HS6ST2: variants seen among roughly 807,000 people sequenced by gnomAD.
The protein encoded by HS6ST2 is heparan sulfate 6-O-sulfotransferase 2.
In HS6ST2, 17 loss-of-function variants were observed where a neutral mutation model predicts 33.0. The observed-to-expected ratio is 0.52, with a 90% CI of 0.35 to 0.77. HS6ST2 has a LOEUF of 0.77. Among genes scored for constraint, HS6ST2 ranks in the 30% least tolerant of loss-of-function variants. The pLI, the probability that HS6ST2 is intolerant of heterozygous loss-of-function variation, is 0.01. For synonymous variants in HS6ST2, 248 were observed against 237.1 expected, an observed-to-expected ratio of 1.05 and a Z score of -0.42; for missense variants, 519 against 551.7, an observed-to-expected ratio of 0.94 and a Z score of 0.59.
intron 2 of HS6ST2, among the ~76,000 whole-genome samples, chrX:132,912,532 T>C (rs1225075370): frequency 8.8e-6 from 1 of 113,024 alleles, no homozygotes; most frequent in Non-Finnish European, 1.9e-5. Flanking sequence ...CATCTGTAGT[T>C]CATGGTACAG....
intron 2 of HS6ST2, among the ~76,000 whole-genome samples, chrX:132,863,234 C>T (rs1238697854): frequency 8.9e-6 from 1 of 112,021 alleles, no homozygotes; most frequent in African/African-American, 3.2e-5. Context: ...TGTCAGTTGG[C>T]AATATAATTA....
At chrX:132,828,950 G>T (rs2065558236) in intron 2 of HS6ST2, among the ~76,000 whole-genome samples, 1 of 101,114 alleles carries the variant, frequency 9.9e-6, no homozygotes, top group African/African-American at 3.6e-5. Flanking sequence ...TTTTAACCTA[G>T]CATTATAACA....
At chrX:132,783,594 C>A (rs2065033688) in intron 2 of HS6ST2, among the ~76,000 whole-genome samples, 1 of 111,126 alleles carries the variant, frequency 9.0e-6, no homozygotes. Flanking sequence ...ATTTCCTCAA[C>A]AATAGCTTTC....
intron 2 of HS6ST2, among the ~76,000 whole-genome samples, chrX:132,790,062 C>T (rs1398440534): frequency 8.9e-6 from 1 of 112,454 alleles, no homozygotes; most frequent in Admixed American, 9.4e-5. Flanking sequence ...AGATGGACTC[C>T]AATTTTGAAA....
intron 2 of HS6ST2, among the ~76,000 whole-genome samples, chrX:132,751,107 C>T (rs1308258758): frequency 8.9e-6 from 1 of 111,855 alleles, no homozygotes; most frequent in African/African-American, 3.3e-5. Context: ...AAACGCTATT[C>T]ATGGTTTCTT....
intron 2 of HS6ST2, among the ~76,000 whole-genome samples, chrX:132,804,408 C>A (rs922012176): frequency 8.9e-5 from 10 of 112,124 alleles, no homozygotes; most frequent in African/African-American, 3.2e-4. Context: ...TTCTTGGCCT[C>A]ATCTTGAGGA....
At chrX:132,639,221 C>T (rs1246211132) in intron 4 of HS6ST2, among the ~76,000 whole-genome samples, 1 of 111,885 alleles carries the variant, frequency 8.9e-6, no homozygotes, top group East Asian at 2.8e-4. Flanking sequence ...CAGTAGGTTT[C>T]AAAGTACATA....
At chrX:132,650,196 G>A (rs1412205115) in intron 4 of HS6ST2, among the ~76,000 whole-genome samples, 2 of 111,671 alleles carry the variant, frequency 1.8e-5, no homozygotes, top group Non-Finnish European at 3.8e-5. Flanking sequence ...AACCCATTCC[G>A]GAGGTTCAGA....
In HS6ST2 at chrX:132,770,794, T is replaced by C. The variant is rs755657012; in HGVS notation, c.948-62300A>G. 1.1e-3 allele frequency among the ~76,000 whole-genome samples: 121 copies of C among 111,158 alleles called. 2 individuals carry two copies. The highest frequency in any genetic ancestry group is 1.3e-3 in the Non-Finnish European group (69 of 52,979). ...GCTTAAATTAGTAGGGCTCTTCTGGTGGGCAGTGTGGCTAATACAACACAA... is the reference window on the plus strand; with the variant it reads ...GCTTAAATTAGTAGGGCTCTTCTGGCGGGCAGTGTGGCTAATACAACACAA... On this transcript the variant is annotated intron_variant, in intron 2 of 4. Transcript: ENST00000370833.
chrX:132,898,499 C>T, intron 2 of HS6ST2, among the ~76,000 whole-genome samples: 1 of 107,531 alleles, frequency 9.3e-6, no homozygotes, highest in Non-Finnish European at 1.9e-5. Context: ...GTATTAACAA[C>T]TTTTGCTTCC....
chrX:132,921,175 A>C (rs2066647827), intron 2 of HS6ST2, among the ~76,000 whole-genome samples: 1 of 112,238 alleles, frequency 8.9e-6, no homozygotes, highest in Admixed American at 9.4e-5. Flanking sequence ...GTGATGGATT[A>C]AATTTTGGAG....
chrX:132,868,950 T>TA (rs2066023894), intron 2 of HS6ST2, among the ~76,000 whole-genome samples: 1 of 107,016 alleles, frequency 9.3e-6, no homozygotes, highest in Admixed American at 1.0e-4. Context: ...CTGAAGGAGA[T>TA]AGAGAGACGA....
intron 2 of HS6ST2, among the ~76,000 whole-genome samples, chrX:132,714,295 A>T (rs2064255419): frequency 9.0e-6 from 1 of 110,511 alleles, no homozygotes; most frequent in Non-Finnish European, 1.9e-5. Context: ...GGACTAGCTG[A>T]TTTCCCAAAG....
At chrX:132,944,745 A>C (rs1414652053) in intron 2 of HS6ST2, among the ~76,000 whole-genome samples, 29 of 110,687 alleles carry the variant, frequency 2.6e-4, no homozygotes, top group African/African-American at 3.9e-4. Context: ...CAAAAACAAG[A>C]AATGGGGAAA....
At chrX:132,746,468 A>G (rs774920911) in intron 2 of HS6ST2, among the ~76,000 whole-genome samples, 39 of 110,874 alleles carry the variant, frequency 3.5e-4, no homozygotes, top group Admixed American at 6.7e-4. Flanking sequence ...GCGCCACTGC[A>G]CTCCAGCAAC....
chrX:132,917,524 C>T (rs935231010), intron 2 of HS6ST2, among the ~76,000 whole-genome samples: 1 of 109,353 alleles, frequency 9.1e-6, no homozygotes, highest in African/African-American at 3.3e-5. Context: ...CGCTTGAACC[C>T]GGGAACCGGA....
chrX:132,698,736 T>A (rs1389349024), intron 3 of HS6ST2, among the ~76,000 whole-genome samples: 1 of 111,463 alleles, frequency 9.0e-6, no homozygotes, highest in Non-Finnish European at 1.9e-5. Context: ...AGGCTACATA[T>A]CCCCTATCTA....
chrX:132,720,338 G>A (rs1443225366), intron 2 of HS6ST2, among the ~76,000 whole-genome samples: 5 of 111,003 alleles, frequency 4.5e-5, no homozygotes, highest in Admixed American at 2.9e-4. Flanking sequence ...TGTGTAAATC[G>A]AATCCTAGTT....
At chrX:132,789,906 G>A (rs1441697366) in intron 2 of HS6ST2, among the ~76,000 whole-genome samples, 1 of 112,258 alleles carries the variant, frequency 8.9e-6, no homozygotes, top group Non-Finnish European at 1.9e-5. Context: ...ATGAGTAGCT[G>A]CTTCTTAAGG....
Sources: gnomAD v4.1 joint callset for allele counts (sites outside exome capture counted in the v4.1 genomes callset) on GRCh38, gnomAD v4.1.1 for gene constraint, MANE v1.5 for transcripts, NCBI Gene and HGNC (gene_info 2026-07-23, HGNC 2026-07-21) for gene names.